Variants in SLC14A2 observed in about 807,000 individuals in gnomAD.
The protein encoded by SLC14A2 is urea transporter 2.
SLC14A2 carries 91 observed loss-of-function variants against 104.6 expected under a neutral mutation model. The ratio of observed to expected loss-of-function variants is 0.87; its 90% CI spans 0.73 to 1.04. The LOEUF (loss-of-function observed/expected upper bound fraction) is 1.04, where lower values mean the gene tolerates loss of function less well. Ranked by LOEUF, SLC14A2 falls within the 50% of genes least tolerant of loss-of-function variation. The pLI, the probability that SLC14A2 is intolerant of heterozygous loss-of-function variation, is 0.00. For synonymous variants in SLC14A2, 476 were observed against 466.4 expected, an observed-to-expected ratio of 1.02 and a Z score of -0.27; for missense variants, 1,189 against 1,156.0, an observed-to-expected ratio of 1.03 and a Z score of -0.41.
At chr18:45,276,510 T>C (rs1167759641) in intron 1 of SLC14A2, among the ~76,000 whole-genome samples, 4 of 152,142 alleles carry the variant, frequency 2.6e-5, no homozygotes, top group Admixed American at 2.6e-4. Flanking sequence ...ATAATAGCAG[T>C]CAGAAATTGG....
intron 1 of SLC14A2, among the ~76,000 whole-genome samples, chr18:45,311,646 T>C (rs2085080071): frequency 1.3e-5 from 2 of 152,228 alleles, no homozygotes; most frequent in Non-Finnish European, 2.9e-5. Flanking sequence ...TCTGAAAGAC[T>C]GAAAAACTCC....
At chr18:45,350,590 A>G (rs1249003518) in intron 1 of SLC14A2, among the ~76,000 whole-genome samples, 4 of 152,308 alleles carry the variant, frequency 2.6e-5, no homozygotes, top group South Asian at 2.1e-4. Context: ...GACGGGTCAC[A>G]CATTAGGTAC....
chr18:45,175,527 C>G, the SLC14A2 span, among the ~76,000 whole-genome samples: 1 of 152,028 alleles, frequency 6.6e-6, no homozygotes, highest in Admixed American at 6.6e-5. Flanking sequence ...GAATGGGTCT[C>G]TTCATACTGT....
At chr18:45,205,412 C>T in the SLC14A2 span, among the ~76,000 whole-genome samples, 1 of 152,168 alleles carries the variant, frequency 6.6e-6, no homozygotes, top group Admixed American at 6.5e-5. Context: ...AGTTGCAAAA[C>T]ATTTTATTAG....
Position 45,625,794 on chromosome 18 carries a change from T to C in SLC14A2, c.262T>C (p.Cys88Arg). The change falls in exon 3 of 20, where the codon TGC (cysteine) becomes CGC (arginine). Residue 88 changes from cysteine to arginine, a missense_variant. By Grantham distance (180) the Cys-to-Arg change is radical. Coordinates refer to ENST00000255226, the MANE Select transcript of SLC14A2 (RefSeq NM_007163.4). The stretch of plus-strand genomic sequence containing the variant: ...CCATCGGGACTCAGCAGGCCAAAGG[T>C]GCATCTGCCTCTCCAAAGCAGTGGG... ...VAHRDSAGQR[C>R]ICLSKAVGYL... 1 of 1,544,600 alleles carries C rather than the reference T, an allele frequency of 6.5e-7. No homozygotes were observed. The highest frequency in any genetic ancestry group is 8.7e-7 in the Non-Finnish European group (1 of 1,151,650).
intron 1 of SLC14A2, among the ~76,000 whole-genome samples, chr18:45,271,037 T>C (rs918375760): frequency 2.0e-5 from 3 of 152,166 alleles, no homozygotes; most frequent in Admixed American, 2.0e-4. Flanking sequence ...GTAAAACAAT[T>C]CTGCAGCAAC....
intron 1 of SLC14A2, among the ~76,000 whole-genome samples, chr18:45,466,375 C>A (rs763176415): frequency 6.6e-6 from 1 of 151,416 alleles, no homozygotes; most frequent in Non-Finnish European, 1.5e-5. Context: ...GAAGGGAGGG[C>A]ATGTGCATCA....
intron 2 of SLC14A2, among the ~76,000 whole-genome samples, chr18:45,572,135 CTT>C (rs1372324992): frequency 6.6e-6 from 1 of 152,160 alleles, no homozygotes; most frequent in African/African-American, 2.4e-5. Flanking sequence ...GTATCTGAAA[CTT>C]TGTGATTAGG....
chr18:45,557,766 T>C (rs2044151328), intron 2 of SLC14A2, among the ~76,000 whole-genome samples: 1 of 152,186 alleles, frequency 6.6e-6, no homozygotes, highest in Admixed American at 6.5e-5. Context: ...TCATTGTCCT[T>C]GCAAGGAGCC....
At chr18:45,380,346 T>C (rs945847472) in intron 1 of SLC14A2, among the ~76,000 whole-genome samples, 3 of 152,136 alleles carry the variant, frequency 2.0e-5, no homozygotes, top group African/African-American at 4.8e-5. Flanking sequence ...TTTGTAGCAA[T>C]AGAGAGCACA....
chr18:45,605,336 C>T (rs1274333660), intron 2 of SLC14A2, among the ~76,000 whole-genome samples: 2 of 152,126 alleles, frequency 1.3e-5, no homozygotes, highest in Non-Finnish European at 2.9e-5. Context: ...GGGCAAACTC[C>T]CCACTTTGGG....
At chr18:45,355,408 T>C (rs2085543035) in intron 1 of SLC14A2, among the ~76,000 whole-genome samples, 1 of 151,726 alleles carries the variant, frequency 6.6e-6, no homozygotes, top group South Asian at 2.1e-4. Context: ...ACCCTGTCTC[T>C]ACTAAAAATA....
chr18:45,202,413 T>G, the SLC14A2 span, among the ~76,000 whole-genome samples: 5 of 152,200 alleles, frequency 3.3e-5, no homozygotes, highest in Non-Finnish European at 7.4e-5. Flanking sequence ...TATGTGATGT[T>G]CAAAGGAAAC....
intron 1 of SLC14A2, among the ~76,000 whole-genome samples, chr18:45,449,127 T>C (rs190094020): frequency 3.7e-4 from 57 of 152,326 alleles, no homozygotes; most frequent in African/African-American, 1.3e-3. Flanking sequence ...CAAAGCCCAT[T>C]CCAGGCAGGC....
the SLC14A2 span, among the ~76,000 whole-genome samples, chr18:45,201,550 T>TTG: frequency 2.2e-4 from 22 of 99,378 alleles, no homozygotes; most frequent in South Asian, 4.1e-3. Flanking sequence ...TGTATGTGTG[T>TTG]AGTGTGTGTG....
chr18:45,501,207 T>C (rs1246338850), intron 2 of SLC14A2, among the ~76,000 whole-genome samples: 2 of 152,162 alleles, frequency 1.3e-5, no homozygotes, highest in African/African-American at 4.8e-5. Context: ...AATGCCAGAC[T>C]ATTTTGACTC....
chr18:45,557,972 G>T (rs956160194), intron 2 of SLC14A2, among the ~76,000 whole-genome samples: 1 of 152,138 alleles, frequency 6.6e-6, no homozygotes, highest in Non-Finnish European at 1.5e-5. Context: ...CACCCAGGAT[G>T]TCCACTCAAA....
chr18:45,608,061 T>C (rs1255693281), intron 2 of SLC14A2, among the ~76,000 whole-genome samples: 1 of 152,252 alleles, frequency 6.6e-6, no homozygotes, highest in Non-Finnish European at 1.5e-5. Context: ...TAACAGTTAC[T>C]TTCTGGTTTC....
At chr18:45,369,654 G>A (rs1323844565) in intron 1 of SLC14A2, among the ~76,000 whole-genome samples, 1 of 152,174 alleles carries the variant, frequency 6.6e-6, no homozygotes, top group African/African-American at 2.4e-5. Flanking sequence ...TGAGAAAGGT[G>A]TATTTGCTCA....
Sources: allele counts gnomAD v4.1 joint callset (sites outside exome capture counted in the v4.1 genomes callset), GRCh38; gene constraint gnomAD v4.1.1; transcripts MANE v1.5; gene names NCBI Gene and HGNC (gene_info 2026-07-23, HGNC 2026-07-21).